Variants in ASIC5 observed in about 807,000 individuals in gnomAD.
ASIC5 encodes the protein bile acid-sensitive ion channel.
A neutral mutation model predicts 51.2 loss-of-function variants in ASIC5; 52 were observed. That is an observed-to-expected ratio of 1.02 (90% CI 0.81 to 1.28). The LOEUF is 1.28. Among genes scored for constraint, ASIC5 ranks in the 50% most tolerant of loss-of-function variants. ASIC5 has a pLI of 0.00. For synonymous variants in ASIC5, 231 were observed against 200.7 expected, an observed-to-expected ratio of 1.15 and a Z score of -1.28; for missense variants, 635 against 595.0, an observed-to-expected ratio of 1.07 and a Z score of -0.70.
chr4:155,847,469 C>A (rs1300952942), intron 4 of ASIC5, among the ~76,000 whole-genome samples: 1 of 152,020 alleles, frequency 6.6e-6, no homozygotes, highest in Non-Finnish European at 1.5e-5. Context: ...CACCTGTAAT[C>A]CCAGCATTTT....
chr4:155,838,308 CA>C (rs34893097), intron 7 of ASIC5, among the ~76,000 whole-genome samples: 8,929 of 150,598 alleles, frequency 0.059, 390 homozygotes, highest in South Asian at 0.13. Flanking sequence ...GGTGTGAAAG[CA>C]AAAAAAAGAG....
rs149268529 is a variant in ASIC5, at chr4:155,863,703, G to A, written c.92C>T (p.Pro31Leu). 24 of 1,613,786 alleles carry A rather than the reference G, an allele frequency of 1.5e-5. No individual in the cohort carries two copies. In the African/African-American group the frequency reaches 3.1e-4, roughly 21 times the overall value. The stretch of plus-strand genomic sequence containing the variant: ...ATGGTCAAACTTCTTTCGCTCAGTG[G>A]GAGATGGCAGTGGTTTCTTTGAAAG... ...LCLSKKPLPS[P>L]TERKKFDHDF... is the part of the protein sequence containing the mutation. Residue 31 changes from proline to leucine, a missense_variant, in exon 2 of 10, where the codon CCC becomes CTC. Transcript: ENST00000537611.
chr4:155,855,110 T>C (rs182969125), intron 2 of ASIC5, among the ~76,000 whole-genome samples: 44 of 152,180 alleles, frequency 2.9e-4, no homozygotes, highest in African/African-American at 1.1e-3. Flanking sequence ...AAAAAAGCCC[T>C]TTATTCTGTC....
chr4:155,841,559 C>T (rs571921863), intron 6 of ASIC5, among the ~76,000 whole-genome samples: 3 of 152,254 alleles, frequency 2.0e-5, no homozygotes, highest in African/African-American at 7.2e-5. Flanking sequence ...GCCTCTCACC[C>T]ATGGTTCTGG....
At chr4:155,834,297 C>A (rs986663033) in intron 8 of ASIC5, among the ~76,000 whole-genome samples, 13 of 152,298 alleles carry the variant, frequency 8.5e-5, no homozygotes, top group Admixed American at 1.3e-4. Flanking sequence ...ACATACACCT[C>A]CATGGTTAAG....
intron 4 of ASIC5, among the ~76,000 whole-genome samples, chr4:155,850,943 A>G (rs1741368411): frequency 6.6e-6 from 1 of 152,044 alleles, no homozygotes; most frequent in East Asian, 1.9e-4. Flanking sequence ...ATAAATATAA[A>G]GAATATCGTC....
chr4:155,847,796 C>T (rs79571514), intron 4 of ASIC5, among the ~76,000 whole-genome samples: 8,754 of 151,920 alleles, frequency 0.058, 858 homozygotes, highest in African/African-American at 0.2. Flanking sequence ...TTCAACTCCT[C>T]GAGGCCTAGG....
chr4:155,854,309 T>C lies in ASIC5; in HGVS notation c.353A>G (p.Gln118Arg). 4 of 1,592,806 alleles carry C rather than the reference T, an allele frequency of 2.5e-6. No homozygotes were observed. The highest frequency in any genetic ancestry group is 3.4e-6 in the Non-Finnish European group (4 of 1,161,468). The part of the protein sequence containing the change: ...AVTFCNLNRF[Q>R]TDAVAKFGVI... ...ACCAAATTTGGCTACAGCATCTGTT[T>C]GGAACCTATTAGCAGGAATGAAGGC... Residue 118 changes from glutamine to arginine, a missense_variant, in exon 3 of 10, where the codon CAA (glutamine) becomes CGA (arginine). Coordinates refer to ENST00000537611, the MANE Select transcript of ASIC5 (RefSeq NM_017419.3).
chr4:155,833,814 C>T (rs1968783), intron 8 of ASIC5, among the ~76,000 whole-genome samples: 37,829 of 152,058 alleles, frequency 0.25, 6,934 homozygotes, highest in African/African-American at 0.51. Flanking sequence ...TTGTTTTGTC[C>T]AATCATTTGG....
intron 8 of ASIC5, among the ~76,000 whole-genome samples, chr4:155,833,074 T>C (rs60977273): frequency 0.02 from 2,999 of 152,192 alleles, 96 homozygotes; most frequent in African/African-American, 0.066. Flanking sequence ...TGGACAGGAG[T>C]GCAGCAAGGC....
intron 2 of ASIC5, among the ~76,000 whole-genome samples, chr4:155,860,658 A>G (rs1340426131): frequency 1.3e-5 from 2 of 152,020 alleles, no homozygotes; most frequent in Non-Finnish European, 1.5e-5. Flanking sequence ...TTCTATCATT[A>G]TAGCCTCTAA....
intron 6 of ASIC5, among the ~76,000 whole-genome samples, chr4:155,840,899 A>G (rs1051741950): frequency 3.3e-5 from 5 of 152,072 alleles, no homozygotes; most frequent in African/African-American, 7.2e-5. Context: ...ACCACCCAGA[A>G]CAAAAATCTG....
At chr4:155,857,607 G>T (rs868488747) in intron 2 of ASIC5, among the ~76,000 whole-genome samples, 8 of 152,136 alleles carry the variant, frequency 5.3e-5, no homozygotes, top group Middle Eastern at 6.8e-3. Flanking sequence ...TATTAGATAT[G>T]TCTTTCTTAT....
intron 4 of ASIC5, 91 bp from the exon 5 acceptor site, chr4:155,843,921 C>G (rs1443829367): frequency 4.5e-6 from 5 of 1,121,568 alleles, no homozygotes; most frequent in Admixed American, 2.0e-5. Flanking sequence ...CTCATGATAG[C>G]GTTTGACTAA....
rs774491847 is a variant in ASIC5, at chr4:155,852,302, G to GA, written c.599dup (p.Phe201LeufsTer3). The GA allele has an allele frequency of 6.3e-7, 1 of 1,589,000 alleles. No homozygotes were observed. The highest frequency in any genetic ancestry group is 1.2e-5 in the South Asian group (1 of 86,832). ...TAAAACAATTTCCATATTCAGTGAA[G>GA]ACATGTGCAAAATCCTCCAATATGT... On this transcript the variant is annotated frameshift_variant, in exon 4 of 10. Coordinates refer to ENST00000537611, the MANE Select transcript of ASIC5 (RefSeq NM_017419.3). LOFTEE classifies it high-confidence loss of function.
Position 155,861,720 on chromosome 4 carries a change from C to G in ASIC5, c.347+1728G>C, listed in dbSNP as rs115171043. Reference sequence around the variant, plus strand: ...CATCTGCCGTTTTACTTTTTGTTTTCTCTATGTCTTATGCCTTTTGTCCTA... The same window carrying G: ...CATCTGCCGTTTTACTTTTTGTTTTGTCTATGTCTTATGCCTTTTGTCCTA... On this transcript the variant is annotated intron_variant, in intron 2 of 9. Transcript: ENST00000537611. 7.1e-3 allele frequency among the ~76,000 whole-genome samples: 1,085 copies of G among 151,958 alleles called. 17 individuals are homozygous for G. The highest frequency in any genetic ancestry group is 0.025 in the African/African-American group (1,023 of 41,490).
At chr4:155,839,048 A>G (rs2111233321) in intron 6 of ASIC5, among the ~76,000 whole-genome samples, 179 bp from the exon 7 acceptor site, 1 of 152,256 alleles carries the variant, frequency 6.6e-6, no homozygotes, top group Middle Eastern at 3.4e-3. Flanking sequence ...ATCCAGTGAA[A>G]ATATGTGTTG....
chr4:155,847,213 G>T (rs2111246645), intron 4 of ASIC5, among the ~76,000 whole-genome samples: 1 of 152,086 alleles, frequency 6.6e-6, no homozygotes, highest in Middle Eastern at 3.4e-3. Flanking sequence ...GTGTTGGTTT[G>T]CTTAGGAAAA....
intron 2 of ASIC5, among the ~76,000 whole-genome samples, chr4:155,861,882 A>G (rs985724908): frequency 2.0e-5 from 3 of 152,090 alleles, no homozygotes; most frequent in Admixed American, 2.0e-4. Context: ...ATCCTAGTGC[A>G]GTATAACCTC....
Sources: gnomAD v4.1 joint callset for allele counts (sites outside exome capture counted in the v4.1 genomes callset) on GRCh38, gnomAD v4.1.1 for gene constraint, MANE v1.5 for transcripts, NCBI Gene and HGNC (gene_info 2026-07-23, HGNC 2026-07-21) for gene names.